Variants in CASK observed in about 807,000 individuals in gnomAD.
CASK encodes peripheral plasma membrane protein CASK.
In CASK, 4 loss-of-function variants were observed where a neutral mutation model predicts 82.9. That is an observed-to-expected ratio of 0.05 (90% CI 0.02 to 0.11). CASK has a LOEUF of 0.11. Ranked by LOEUF, CASK falls within the 10% of genes least tolerant of loss-of-function variation. The probability of loss-of-function intolerance (pLI) is 1.00; values close to 1 mark genes in which losing one functional copy is unlikely to be tolerated. For missense variants in CASK, 358 were observed against 720.9 expected (o/e 0.50, Z 5.76); for synonymous variants, 259 against 253.5 (o/e 1.02, Z -0.20).
intron 26 of CASK, among the ~76,000 whole-genome samples, chrX:41,521,833 C>T (rs1488541630): frequency 8.9e-6 from 1 of 112,212 alleles, no homozygotes; most frequent in Non-Finnish European, 1.9e-5. Flanking sequence ...ATAAACTTGT[C>T]TTGTGTGCCC....
chrX:41,675,317 A>C (rs1220589961), intron 5 of CASK, among the ~76,000 whole-genome samples: 1 of 112,061 alleles, frequency 8.9e-6, no homozygotes, highest in African/African-American at 3.2e-5. Flanking sequence ...TGTTTCTACC[A>C]CAGCCTTGTA....
At chrX:41,546,093 C>T (rs2065019640) in intron 21 of CASK, among the ~76,000 whole-genome samples, 2 of 111,248 alleles carry the variant, frequency 1.8e-5, no homozygotes, top group Admixed American at 1.9e-4. Context: ...CCTGCCTCAG[C>T]CTCCCAAGTA....
chrX:41,814,430 C>T (rs980844984), intron 2 of CASK, among the ~76,000 whole-genome samples: 25 of 110,939 alleles, frequency 2.3e-4, no homozygotes, highest in African/African-American at 7.5e-4. Context: ...ATGATGAGTT[C>T]ATGTCCTTTG....
chrX:41,830,831 A>AC (rs1282148228), intron 2 of CASK, among the ~76,000 whole-genome samples: 1 of 109,312 alleles, frequency 9.1e-6, no homozygotes, highest in African/African-American at 3.3e-5. Flanking sequence ...AAAAAAAAAA[A>AC]AAAAACAAAA....
chrX:41,630,433 G>A (rs12009960), intron 9 of CASK, among the ~76,000 whole-genome samples: 1,513 of 111,565 alleles, frequency 0.014, 18 homozygotes, highest in African/African-American at 0.046. Context: ...TCAGAAACAC[G>A]CATCATGAAG....
chrX:41,602,217 C>A (rs866378588), intron 12 of CASK, among the ~76,000 whole-genome samples: 1 of 111,942 alleles, frequency 8.9e-6, no homozygotes, highest in Non-Finnish European at 1.9e-5. Context: ...AAAGCGCCAT[C>A]TTAACAATAT....
At chrX:41,732,061 C>T (rs921921343) in intron 5 of CASK, among the ~76,000 whole-genome samples, 1 of 109,029 alleles carries the variant, frequency 9.2e-6, no homozygotes, top group Non-Finnish European at 1.9e-5. Flanking sequence ...TAGGTGCAAG[C>T]CACTGTGCCT....
chrX:41,778,352 T>C (rs2069404476), intron 3 of CASK, among the ~76,000 whole-genome samples: 1 of 109,171 alleles, frequency 9.2e-6, no homozygotes, highest in Admixed American at 9.9e-5. Context: ...TGCCTCAGCC[T>C]CCCGAGTAGC....
At chrX:41,862,588 C>T (rs1469870379) in intron 1 of CASK, among the ~76,000 whole-genome samples, 13 of 103,020 alleles carry the variant, frequency 1.3e-4, no homozygotes, top group Non-Finnish European at 2.2e-4. Flanking sequence ...GCACTTCAAG[C>T]TATTTGGTAC....
chrX:41,810,778 A>C (rs1381368866), intron 2 of CASK, among the ~76,000 whole-genome samples: 2 of 112,060 alleles, frequency 1.8e-5, no homozygotes, highest in Non-Finnish European at 3.8e-5. Flanking sequence ...ATTAAAAGAC[A>C]CAGACTGGCA....
intron 12 of CASK, among the ~76,000 whole-genome samples, chrX:41,605,175 T>C (rs1007095459): frequency 8.9e-6 from 1 of 112,170 alleles, no homozygotes; most frequent in Non-Finnish European, 1.9e-5. Flanking sequence ...TAGAATGTTA[T>C]TGAGTTAACA....
At chrX:41,537,645 C>A (rs993434375) in intron 22 of CASK, among the ~76,000 whole-genome samples, 1 of 110,356 alleles carries the variant, frequency 9.1e-6, no homozygotes, top group East Asian at 2.8e-4. Context: ...AGAAATTCGA[C>A]AATATCCTTA....
At chrX:41,600,558 A>G (rs1249335418) in intron 12 of CASK, among the ~76,000 whole-genome samples, 1 of 112,504 alleles carries the variant, frequency 8.9e-6, no homozygotes, top group Non-Finnish European at 1.9e-5. Context: ...AGTGGGTAAC[A>G]CTGATACTGG....
chrX:41,612,619 T>C, intron 11 of CASK, among the ~76,000 whole-genome samples: 1 of 85,177 alleles, frequency 1.2e-5, no homozygotes, highest in Non-Finnish European at 2.2e-5. Flanking sequence ...GAGGAGCCCC[T>C]CTGCCCGGCC....
Position 41,531,120 on chromosome X carries a change from T to A in CASK, c.2407A>T (p.Asn803Tyr). 1.7e-6 allele frequency: 2 copies of A among 1,206,895 alleles called. No homozygotes were observed. The highest frequency in any genetic ancestry group is 2.2e-6 in the Non-Finnish European group (2 of 890,817). ...HDQMMQDISN[N>Y]EYLEYGSHED... ...TGGCTGCCGTACTCCAAGTACTCGT[T>A]ATTAGAGATGTCTTGCATCATTTGG... The change falls in exon 25 of 27, where the codon AAC becomes TAC. Residue 803 changes from asparagine (N) to tyrosine (Y), a missense_variant. By Grantham distance (143) the Asn-to-Tyr change is moderately radical. Transcript: ENST00000378163.
chrX:41,645,900 C>T (rs1008850729), intron 8 of CASK, among the ~76,000 whole-genome samples: 1 of 111,030 alleles, frequency 9.0e-6, no homozygotes, highest in African/African-American at 3.3e-5. Context: ...TCCACTTATT[C>T]GACCTCTCAC....
intron 2 of CASK, among the ~76,000 whole-genome samples, chrX:41,811,556 A>T (rs1195763331): frequency 8.9e-6 from 1 of 112,520 alleles, no homozygotes. Context: ...CAAAGACACA[A>T]CATACCAGAA....
At chrX:41,745,996 T>C (rs2068680672) in intron 3 of CASK, among the ~76,000 whole-genome samples, 1 of 112,112 alleles carries the variant, frequency 8.9e-6, no homozygotes, top group African/African-American at 3.2e-5. Flanking sequence ...AATCTTGCTA[T>C]TGTTATTACC....
rs138004218 is a variant in CASK at position 41,526,237 on chromosome X, C to T, written c.2521-2203G>A. 2.7e-5 allele frequency among the ~76,000 whole-genome samples: 3 copies of T among 111,348 alleles called. No individual in the cohort carries two copies. In the East Asian group the frequency reaches 8.5e-4, roughly 31 times the overall value. On this transcript the variant is annotated intron_variant, in intron 25 of 26. Transcript: ENST00000378163. ...AAGGTTTTCTCATCACCCCTACTCCCGGTCACACACATATACCCATCCCAT... is the reference window on the plus strand; with the variant it reads ...AAGGTTTTCTCATCACCCCTACTCCTGGTCACACACATATACCCATCCCAT...
Sources: gnomAD v4.1 joint callset for allele counts (sites outside exome capture counted in the v4.1 genomes callset) on GRCh38, gnomAD v4.1.1 for gene constraint, MANE v1.5 for transcripts, NCBI Gene and HGNC (gene_info 2026-07-23, HGNC 2026-07-21) for gene names.